Variants in DOCK3 observed in about 807,000 individuals in gnomAD.
DOCK3 encodes dedicator of cytokinesis 3, also known as dedicator of cytokinesis protein 3.
In DOCK3, 60 loss-of-function variants were observed where a neutral mutation model predicts 265.6. That is an observed-to-expected ratio of 0.23 (90% CI 0.18 to 0.28). The LOEUF (loss-of-function observed/expected upper bound fraction) is 0.28. Ranked by LOEUF, DOCK3 falls within the 10% of genes least tolerant of loss-of-function variation. The pLI is 1.00. For missense variants in DOCK3, 1,981 were observed against 2,594.3 expected, an observed-to-expected ratio of 0.76 and a Z score of 5.14; for synonymous variants, 881 against 938.0, an observed-to-expected ratio of 0.94 and a Z score of 1.11.
intron 33 of DOCK3, among the ~76,000 whole-genome samples, chr3:51,332,332 T>G (rs1401035793): frequency 6.6e-6 from 1 of 152,222 alleles, no homozygotes; most frequent in Admixed American, 6.5e-5. Context: ...GAAGCCAGGC[T>G]TTTGGAGAAG....
At chr3:51,352,496 G>A (rs1170021945) in intron 40 of DOCK3, among the ~76,000 whole-genome samples, 1 of 152,186 alleles carries the variant, frequency 6.6e-6, no homozygotes, top group East Asian at 1.9e-4. Context: ...TCCACATCAT[G>A]CTCACAAGTA....
At chr3:50,728,981 C>T (rs1433173661) in intron 1 of DOCK3, among the ~76,000 whole-genome samples, 4 of 146,094 alleles carry the variant, frequency 2.7e-5, no homozygotes, top group African/African-American at 5.0e-5. Context: ...GCCTCGGCCT[C>T]CCAAAGTGCT....
chr3:51,343,522 C>T (rs755732054), intron 38 of DOCK3, among the ~76,000 whole-genome samples: 3 of 152,184 alleles, frequency 2.0e-5, no homozygotes, highest in Non-Finnish European at 2.9e-5. Context: ...TTAGAATGAA[C>T]AAGGACAAAA....
At chr3:51,344,175 G>C (rs1019920288) in intron 38 of DOCK3, among the ~76,000 whole-genome samples, 134 of 152,294 alleles carry the variant, frequency 8.8e-4, no homozygotes, top group African/African-American at 3.1e-3. Context: ...CTCATTTGAA[G>C]GAATGACTGT....
intron 27 of DOCK3, among the ~76,000 whole-genome samples, chr3:51,308,389 G>C (rs1464749173): frequency 1.3e-5 from 2 of 151,840 alleles, no homozygotes; most frequent in Non-Finnish European, 2.9e-5. Context: ...TTGTGTCCCT[G>C]AGTACTTGAG....
At chr3:50,726,448 A>G (rs533727165) in intron 1 of DOCK3, among the ~76,000 whole-genome samples, 1 of 152,316 alleles carries the variant, frequency 6.6e-6, no homozygotes, top group South Asian at 2.1e-4. Context: ...CTATACTGAA[A>G]AAAGACCTGA....
intron 1 of DOCK3, among the ~76,000 whole-genome samples, chr3:50,741,117 A>AT (rs1305949580): frequency 6.6e-6 from 1 of 151,120 alleles, no homozygotes; most frequent in African/African-American, 2.4e-5. Context: ...GAGCTTCATT[A>AT]TTTTTTTGGA....
intron 2 of DOCK3, among the ~76,000 whole-genome samples, chr3:50,792,741 G>T (rs2042545615): frequency 6.6e-6 from 1 of 152,146 alleles, no homozygotes; most frequent in Admixed American, 6.5e-5. Flanking sequence ...CACGTTTATT[G>T]ATTTGCATAC....
At chr3:51,130,830 C>T (rs1404941541) in intron 9 of DOCK3, among the ~76,000 whole-genome samples, 3 of 152,156 alleles carry the variant, frequency 2.0e-5, no homozygotes, top group Admixed American at 1.3e-4. Flanking sequence ...GCCTCAGCCT[C>T]CCGAGTAGTT....
At position 51,090,273 on chromosome 3, in the gene DOCK3, C is replaced by T; in HGVS notation, c.635C>T (p.Pro212Leu). 1.3e-6 allele frequency: 2 copies of T among 1,598,866 alleles called. No homozygotes were observed. The highest frequency in any genetic ancestry group is 2.7e-5 in the African/African-American group (2 of 74,706). The change falls in exon 9 of 53, where the codon CCA becomes CTA. Residue 212 changes from proline to leucine, a missense_variant. Physicochemically the swap from Pro to Leu is moderately conservative, Grantham distance 98. Around this residue, in one of 4 missense-constraint regions of DOCK3, gnomAD observed 456 missense variants for 539.0 expected, o/e 0.85. Transcript: ENST00000266037. ...RPRHGETCRM[P>L]VPHHFFLSLK... ...CGTCATGGGGAAACATGTCGGATGC[C>T]AGTGCCACATCACTTCTTCCTCAGC...
intron 31 of DOCK3, among the ~76,000 whole-genome samples, chr3:51,314,126 C>A (rs2083239064): frequency 6.6e-6 from 1 of 152,170 alleles, no homozygotes; most frequent in African/African-American, 2.4e-5. Flanking sequence ...GGACTGAGAG[C>A]AGAGCTCTGA....
At chr3:51,043,155 G>T (rs1331435886) in intron 5 of DOCK3, among the ~76,000 whole-genome samples, 2 of 151,854 alleles carry the variant, frequency 1.3e-5, no homozygotes, top group African/African-American at 2.4e-5. Context: ...AGCAAAAAGA[G>T]CTGGAAGCAT....
chr3:50,881,063 G>A (rs1307091368), intron 3 of DOCK3, among the ~76,000 whole-genome samples: 2 of 152,080 alleles, frequency 1.3e-5, no homozygotes, highest in African/African-American at 2.4e-5. Flanking sequence ...AAAGGCCTTC[G>A]ACAAAATTCA....
chr3:51,010,078 G>C (rs1359232539), intron 5 of DOCK3, among the ~76,000 whole-genome samples: 1 of 152,190 alleles, frequency 6.6e-6, no homozygotes, highest in Non-Finnish European at 1.5e-5. Context: ...GTGGTGCTGA[G>C]AAGAATGTAT....
Position 50,909,787 on chromosome 3 carries a change from C to A in DOCK3, c.218+19706C>A, listed in dbSNP as rs1425705514. ...CCTGTCTTGCTTGGTTGGGGAAGATCTCCTGGATGATATCCTGAAGTATGT... is the reference window on the plus strand; with the variant it reads ...CCTGTCTTGCTTGGTTGGGGAAGATATCCTGGATGATATCCTGAAGTATGT... On this transcript the variant is annotated intron_variant, in intron 4 of 52. Coordinates refer to ENST00000266037, the MANE Select transcript of DOCK3 (RefSeq NM_004947.5). 2.6e-5 allele frequency among the ~76,000 whole-genome samples: 4 copies of A among 151,606 alleles called. No individual in the cohort carries two copies. The East Asian group carries it at 7.8e-4, about 29-fold the overall frequency.
chr3:51,275,038 C>T, intron 24 of DOCK3, 41 bp from the exon 25 acceptor site: 1 of 1,613,410 alleles, frequency 6.2e-7, no homozygotes, highest in Non-Finnish European at 8.5e-7. Flanking sequence ...GTAGCTAGTT[C>T]TCCTCTAAAG....
chr3:51,306,419 A>T (rs1321634746), intron 27 of DOCK3, among the ~76,000 whole-genome samples: 2 of 151,850 alleles, frequency 1.3e-5, no homozygotes, highest in African/African-American at 2.4e-5. Flanking sequence ...TCCCCTGTAG[A>T]GTTTGTTGAG....
At chr3:51,114,510 A>G (rs1576126310) in intron 9 of DOCK3, among the ~76,000 whole-genome samples, 1 of 152,318 alleles carries the variant, frequency 6.6e-6, no homozygotes, top group South Asian at 2.1e-4. Context: ...ATTTTTGGAT[A>G]AGTAGAAACT....
rs191045993 is a variant in DOCK3 at position 51,238,375 on chromosome 3, C to T, written c.2102+785C>T. On this transcript the variant is annotated intron_variant, in intron 21 of 52. Transcript: ENST00000266037. The stretch of plus-strand genomic sequence containing the variant: ...GCCAGGATGGTCTTGATCTCCTGAC[C>T]TCATGATCCACCTGCCTTGGCCTCC... Among the ~76,000 whole-genome samples the T allele has an allele frequency of 2.5e-3, 382 of 152,056 alleles. 5 individuals are homozygous for T. Among genetic ancestry groups the T allele is most frequent in the African/African-American group, 8.6e-3 (356 of 41,458 alleles).
Sources: allele counts gnomAD v4.1 joint callset (sites outside exome capture counted in the v4.1 genomes callset), GRCh38; gene constraint gnomAD v4.1.1; regional missense constraint gnomAD v4.1.1; transcripts MANE v1.5; gene names NCBI Gene and HGNC (gene_info 2026-07-23, HGNC 2026-07-21).